Variants in ACP6 observed in about 807,000 individuals in gnomAD.
The protein encoded by ACP6 is lysophosphatidic acid phosphatase type 6.
ACP6 carries 48 observed loss-of-function variants against 48.1 expected under a neutral mutation model. The observed-to-expected ratio is 1.00, with a 90% CI of 0.79 to 1.27. ACP6 has a LOEUF of 1.27. Among genes scored for constraint, ACP6 ranks in the 50% most tolerant of loss-of-function variants. ACP6 has a pLI of 0.00. For synonymous variants in ACP6, 172 were observed against 204.2 expected (o/e 0.84, Z 1.34); for missense variants, 485 against 529.1 (o/e 0.92, Z 0.82).
rs1659672953 is a variant in ACP6 at position 147,647,418 on chromosome 1, A to G, written c.*5T>C. ...AAATCAACACATCCTGCTTTTATAAATCAGTTACTCTTCATTTCCAACTTC... is the reference window on the plus strand; with the variant it reads ...AAATCAACACATCCTGCTTTTATAAGTCAGTTACTCTTCATTTCCAACTTC... On this transcript the variant is annotated 3_prime_UTR_variant, in exon 10 of 10. Transcript: ENST00000583509. The G allele has an allele frequency of 6.2e-7, 1 of 1,614,008 alleles. No homozygotes were observed. Among genetic ancestry groups the G allele is most frequent in the Middle Eastern group, 1.7e-4 (1 of 6,060 alleles).
At chr1:147,647,888 C>A (rs371306851) in intron 9 of ACP6, 3 of 482,172 alleles carry the variant, frequency 6.2e-6, no homozygotes, top group Admixed American at 7.4e-5. Flanking sequence ...GCCAACACCA[C>A]GGGTGCTAAC....
chr1:147,666,495 G>T (rs1354838428), intron 1 of ACP6, among the ~76,000 whole-genome samples: 1 of 151,120 alleles, frequency 6.6e-6, no homozygotes, highest in Admixed American at 6.6e-5. Flanking sequence ...TTAAAATAAA[G>T]CAATCATATT....
downstream of ACP6, among the ~76,000 whole-genome samples, chr1:147,641,983 T>G (rs1553208786): frequency 6.6e-6 from 1 of 152,168 alleles, no homozygotes; most frequent in African/African-American, 2.4e-5. Context: ...TAAGAATACT[T>G]GAAGGCACTT....
downstream of ACP6, among the ~76,000 whole-genome samples, chr1:147,640,035 G>A (rs1346829178): frequency 6.6e-5 from 10 of 152,092 alleles, no homozygotes; most frequent in Non-Finnish European, 1.5e-4. Flanking sequence ...GTAAGCTGCT[G>A]GACCCTAGTT....
intron 4 of ACP6, among the ~76,000 whole-genome samples, chr1:147,656,300 C>T (rs1361682563): frequency 6.6e-6 from 1 of 152,118 alleles, no homozygotes; most frequent in Non-Finnish European, 1.5e-5. Context: ...AGGGGTAGGA[C>T]TATATCAGCC....
chr1:147,636,909 A>C (rs965381311), intron 5 of ACP6, among the ~76,000 whole-genome samples: 13 of 152,190 alleles, frequency 8.5e-5, no homozygotes, highest in Admixed American at 7.9e-4. Flanking sequence ...AGCACAGAAA[A>C]GCCATAGAGA....
Position 147,670,039 on chromosome 1 carries a change from C to A in ACP6, c.10G>T (p.Gly4Cys), listed in dbSNP as rs1167306412. 1.3e-6 allele frequency: 2 copies of A among 1,519,300 alleles called. No homozygotes were observed. Among genetic ancestry groups the A allele is most frequent in the Non-Finnish European group, 1.8e-6 (2 of 1,125,338 alleles). 94.1% of individuals were successfully genotyped at this position (1,519,300 alleles called of 1,614,324 possible). A position where few individuals can be genotyped will look rare whatever the true frequency, so the allele number is the denominator to read the frequency against. Residue 4 changes from glycine (G) to cysteine (C), a missense_variant, in exon 1 of 10, where the codon GGT becomes TGT. Gly to Cys is a radical substitution (Grantham distance 159, BLOSUM62 -3). Transcript: ENST00000583509. ...GTCCACAAGCGCATGCTGAACACAC[C>A]AGTGATCATGGTGGTAGGCCCTCGC... MIT[G>C]VFSMRLWTPV...
intron 1 of ACP6, among the ~76,000 whole-genome samples, chr1:147,665,590 C>G (rs587747714): frequency 6.6e-6 from 1 of 152,306 alleles, no homozygotes; most frequent in African/African-American, 2.4e-5. Flanking sequence ...TAATTGATAT[C>G]TGTTGTCTCT....
rs1472065024 is a variant in ACP6, at chr1:147,670,258, C to T, written c.-210G>A. 3.8e-6 allele frequency: 2 copies of T among 524,048 alleles called. No homozygotes were observed. The highest frequency in any genetic ancestry group is 6.8e-6 in the Non-Finnish European group (2 of 294,678). The allele number at this position is 524,048 out of a possible 1,614,324, so 32.5% of individuals were successfully genotyped here. A position where few individuals can be genotyped will look rare whatever the true frequency, so the allele number is the denominator to read the frequency against. ...GGGAGAGAACAAGAGGTGGCAGCAG[C>T]GAAGAGTCCCTGGGAGTTTTAACCC... On this transcript the variant is annotated 5_prime_UTR_variant, in exon 1 of 10. Transcript: ENST00000583509.
chr1:147,653,242 T>C (rs1283216280), intron 6 of ACP6, among the ~76,000 whole-genome samples: 2 of 151,826 alleles, frequency 1.3e-5, no homozygotes, highest in African/African-American at 4.8e-5. Flanking sequence ...GCAAGTATTC[T>C]GCCTCAGCCT....
intron 6 of ACP6, 89 bp downstream of exon 6, chr1:147,654,105 G>A: frequency 1.9e-6 from 3 of 1,548,252 alleles, no homozygotes; most frequent in Non-Finnish European, 2.6e-6. Flanking sequence ...CAAACCAGGA[G>A]GCCTCCACCC....
At chr1:147,659,852 C>T (rs1261476830) in intron 1 of ACP6, 77 bp from the exon 2 acceptor site, 1 of 1,534,252 alleles carries the variant, frequency 6.5e-7, no homozygotes, top group East Asian at 2.3e-5. Context: ...CTCAAGCACT[C>T]AGAACACATG....
Position 147,659,776 on chromosome 1 carries a change from C to T in ACP6, c.220-1G>A, listed in dbSNP as rs1660449502. On this transcript the variant is annotated splice_acceptor_variant, in intron 1 of 9. Coordinates refer to ENST00000583509, the MANE Select transcript of ACP6 (RefSeq NM_016361.5). LOFTEE classifies it high-confidence loss of function. ...CTAATAGCTGGGGGTTCCACTCTAC[C>T]TGTTAGTACAAAAAAAACACACCAC... 1.9e-6 allele frequency: 3 copies of T among 1,612,998 alleles called. No individual in the cohort carries two copies. The highest frequency in any genetic ancestry group is 2.7e-5 in the African/African-American group (2 of 74,986).
rs142064588 is a variant in ACP6 at position 147,652,223 on chromosome 1, G to A, written c.881+226C>T. ...CAAGTGATAAAGTCATGAGGGTGGT[G>A]GCTCCTGGTTCTGCATAACAGGGAA... On this transcript the variant is annotated intron_variant, in intron 7 of 9. Coordinates refer to ENST00000583509, the MANE Select transcript of ACP6 (RefSeq NM_016361.5). 637 of 449,350 alleles carry A rather than the reference G, an allele frequency of 1.4e-3. 2 individuals carry two copies. The highest frequency in any genetic ancestry group is 0.012 in the African/African-American group (581 of 50,472). The allele number at this position is 449,350 out of a possible 1,614,324, so 27.8% of individuals were successfully genotyped here. A position where few individuals can be genotyped will look rare whatever the true frequency, so the allele number is the denominator to read the frequency against.
chr1:147,648,042 G>T, intron 9 of ACP6: 1 of 609,958 alleles, frequency 1.6e-6, no homozygotes, highest in South Asian at 2.1e-5. Flanking sequence ...CTGGGATAAG[G>T]CTCAAGCCCC....
chr1:147,630,131 C>T (rs1002624639), exon 6 of ACP6: 2 of 152,154 alleles, frequency 1.3e-5, no homozygotes, highest in East Asian at 3.9e-4. Flanking sequence ...CCCTGGGGTT[C>T]CAAAGAACAG....
chr1:147,654,524 G>A (rs2148908040), intron 5 of ACP6, among the ~76,000 whole-genome samples, 198 bp from the exon 6 acceptor site: 1 of 152,242 alleles, frequency 6.6e-6, no homozygotes, highest in Middle Eastern at 3.4e-3. Flanking sequence ...AAGTTAGCAA[G>A]TACCAGGGTT....
chr1:147,636,928 C>T (rs998356121), intron 5 of ACP6, among the ~76,000 whole-genome samples: 2 of 152,192 alleles, frequency 1.3e-5, no homozygotes, highest in Non-Finnish European at 2.9e-5. Flanking sequence ...GAAAGAAGCA[C>T]CACAGTGGAA....
At position 147,647,405 on chromosome 1, in the gene ACP6, C is replaced by T. The variant is rs782735014; in HGVS notation, c.*18G>A. The T allele has an allele frequency of 2.5e-6, 4 of 1,613,622 alleles. 1 individual carries two copies. The highest frequency in any genetic ancestry group is 3.3e-5 in the Admixed American group (2 of 59,964). ...GCACTTTATTTTAAAATCAACACAT[C>T]CTGCTTTTATAAATCAGTTACTCTT... On this transcript the variant is annotated 3_prime_UTR_variant, in exon 10 of 10. Transcript: ENST00000583509.
Sources: gnomAD v4.1 joint callset for allele counts (sites outside exome capture counted in the v4.1 genomes callset) on GRCh38, gnomAD v4.1.1 for gene constraint, MANE v1.5 for transcripts, NCBI Gene and HGNC (gene_info 2026-07-23, HGNC 2026-07-21) for gene names.